Variants in ABCC9 observed in about 807,000 individuals in gnomAD.
The protein encoded by ABCC9 is ATP-binding cassette sub-family C member 9.
ABCC9 carries 95 observed loss-of-function variants against 188.3 expected under a neutral mutation model. The observed-to-expected ratio is 0.50, with a 90% CI of 0.43 to 0.60. The LOEUF (loss-of-function observed/expected upper bound fraction) is 0.60, where lower values mean the gene tolerates loss of function less well. Among genes scored for constraint, ABCC9 ranks in the 20% least tolerant of loss-of-function variants. The pLI, the probability that ABCC9 is intolerant of heterozygous loss-of-function variation, is 0.00. For synonymous variants in ABCC9, 659 were observed against 652.7 expected (o/e 1.01, Z -0.15); for missense variants, 1,102 against 1,876.3 (o/e 0.59, Z 7.62).
At chr12:21,893,950 T>A (rs1458456301) in intron 14 of ABCC9, 82 bp downstream of exon 14, 1 of 1,424,754 alleles carries the variant, frequency 7.0e-7, no homozygotes, top group Non-Finnish European at 9.7e-7. Context: ...ATGTTCTTTT[T>A]TATATTTTTT....
At chr12:21,846,142 C>T (rs556901951) in intron 25 of ABCC9, among the ~76,000 whole-genome samples, 1 of 152,252 alleles carries the variant, frequency 6.6e-6, no homozygotes, top group South Asian at 2.1e-4. Context: ...CCAACAAAAA[C>T]CACATACCTG....
At chr12:21,855,229 A>T (rs1435288797) in intron 22 of ABCC9, among the ~76,000 whole-genome samples, 1 of 151,950 alleles carries the variant, frequency 6.6e-6, no homozygotes, top group Admixed American at 6.6e-5. Context: ...TTATTTATTT[A>T]TTTATTTTGA....
At chr12:21,911,099 A>G in intron 8 of ABCC9, 121 bp from the exon 9 acceptor site, 1 of 945,044 alleles carries the variant, frequency 1.1e-6, no homozygotes, top group Non-Finnish European at 1.6e-6. Context: ...TATTTATTAT[A>G]CAGCAGTGAA....
intron 18 of ABCC9, 107 bp downstream of exon 18, chr12:21,872,518 C>T (rs1199021256): frequency 1.0e-5 from 9 of 864,918 alleles, no homozygotes; most frequent in African/African-American, 5.0e-5. Context: ...CTTATTTCTG[C>T]GTGGTCTTCA....
At chr12:21,818,543 TGTG>T in intron 31 of ABCC9, among the ~76,000 whole-genome samples, 1 of 147,870 alleles carries the variant, frequency 6.8e-6, no homozygotes, top group Admixed American at 6.8e-5. Flanking sequence ...TGTGTGTGTG[TGTG>T]TGTGTGTGTG....
chr12:21,937,541 A>G (rs1369648530), intron 2 of ABCC9, among the ~76,000 whole-genome samples: 1 of 152,140 alleles, frequency 6.6e-6, no homozygotes, highest in Admixed American at 6.6e-5. Flanking sequence ...GCTCTCACTT[A>G]CATGTTAAAT....
At chr12:21,845,051 A>C in intron 26 of ABCC9, 136 bp from the exon 27 acceptor site, 2 of 1,121,682 alleles carry the variant, frequency 1.8e-6, no homozygotes, top group Non-Finnish European at 2.6e-6. Flanking sequence ...GAAGGAATGC[A>C]ATTTTTTGAG....
intron 24 of ABCC9, 140 bp from the exon 25 acceptor site, chr12:21,848,386 C>G (rs1378705006): frequency 1.4e-6 from 1 of 733,714 alleles, no homozygotes; most frequent in African/African-American, 1.7e-5. Context: ...ATCCACAACT[C>G]CTGTCACAGA....
At chr12:21,937,782 G>T (rs1362653397) in intron 2 of ABCC9, among the ~76,000 whole-genome samples, 1 of 152,116 alleles carries the variant, frequency 6.6e-6, no homozygotes, top group Non-Finnish European at 1.5e-5. Flanking sequence ...TCAGTAACTT[G>T]CCAACCAGTA....
intron 12 of ABCC9, among the ~76,000 whole-genome samples, chr12:21,905,902 T>G (rs1948018267): frequency 6.6e-6 from 1 of 152,142 alleles, no homozygotes; most frequent in Non-Finnish European, 1.5e-5. Flanking sequence ...AGGAATCAAA[T>G]TCAGGTCTAC....
At position 21,875,676 on chromosome 12, in the gene ABCC9, A is replaced by G. The variant is rs753524629; in HGVS notation, c.2070T>C (p.Asn690=). ...SWGSGLATLS[N]IDIRIPTGQL... ...TACCTGTTGGAATTCGAATATCTAT[A>G]TTGGATAATGTAGCTAAACCACTGC... The change falls in exon 17 of 40, where the codon AAT becomes AAC. Residue 690 remains asparagine (N), a synonymous_variant. Coordinates refer to ENST00000261200, the MANE Select transcript of ABCC9 (RefSeq NM_020297.4). The G allele has an allele frequency of 3.1e-6, 5 of 1,612,448 alleles. No individual in the cohort carries two copies. The highest frequency in any genetic ancestry group is 1.7e-5 in the Admixed American group (1 of 60,008).
Position 21,805,325 on chromosome 12 carries a change from TAGAAA to T in ABCC9, c.4512+668_4512+672del, listed in dbSNP as rs779575419. 7.4e-6 allele frequency: 12 copies of T among 1,612,398 alleles called. 1 individual carries two copies. Among genetic ancestry groups the T allele is most frequent in the Admixed American group, 1.7e-5 (1 of 59,898 alleles). On this transcript the variant is annotated intron_variant, in intron 39 of 39. Coordinates refer to ENST00000261200, the MANE Select transcript of ABCC9 (RefSeq NM_020297.4). ...AGAGACACGGTGCTGGAGAGAAAAA[TAGAAA>T]AGAAGAGAATCAGCAGAAGGAAAAA...
chr12:21,815,286 G>GTT lies in ABCC9; in HGVS notation c.4023+475_4023+476dup, dbSNP rs201636994. Among the ~76,000 whole-genome samples, 90 of 132,334 alleles carry GTT rather than the reference G, an allele frequency of 6.8e-4. 1 individual carries two copies. The highest frequency in any genetic ancestry group is 2.0e-3 in the African/African-American group (72 of 36,878). The allele number at this position is 132,334 out of a possible 152,430, so 86.8% of individuals were successfully genotyped here. A position where few individuals can be genotyped will look rare whatever the true frequency, so the allele number is the denominator to read the frequency against. On this transcript the variant is annotated intron_variant, in intron 34 of 39. Transcript: ENST00000261200. ...GTGATTGCCTTGTTTTTTCTTCATG[G>GTT]TTTTTTTTTTTTTTTGCATTTAGTA...
chr12:21,834,999 G>A (rs1023857444), intron 30 of ABCC9, among the ~76,000 whole-genome samples: 3 of 152,160 alleles, frequency 2.0e-5, no homozygotes, highest in Non-Finnish European at 2.9e-5. Flanking sequence ...TGGATTTGAC[G>A]GCATCAGGCT....
intron 30 of ABCC9, among the ~76,000 whole-genome samples, chr12:21,829,484 T>A (rs61928479): frequency 0.12 from 17,799 of 152,070 alleles, 1,116 homozygotes; most frequent in African/African-American, 0.13. Flanking sequence ...TACAGGCGTG[T>A]GCCACCGCAC....
intron 22 of ABCC9, 129 bp from the exon 23 acceptor site, chr12:21,852,634 G>T: frequency 8.5e-7 from 1 of 1,170,834 alleles, no homozygotes; most frequent in Non-Finnish European, 1.2e-6. Context: ...TTTAAAAAAA[G>T]GATAAAGAAA....
chr12:21,856,062 G>A (rs765320676), intron 22 of ABCC9, among the ~76,000 whole-genome samples: 1 of 152,160 alleles, frequency 6.6e-6, no homozygotes, highest in Non-Finnish European at 1.5e-5. Flanking sequence ...GAGTTATTAT[G>A]AGAATTAAGT....
chr12:21,884,079 T>C (rs1946760621), intron 15 of ABCC9, among the ~76,000 whole-genome samples: 1 of 151,174 alleles, frequency 6.6e-6, no homozygotes, highest in Non-Finnish European at 1.5e-5. Flanking sequence ...AATTAACTTT[T>C]TTTTTTTTTT....
intron 12 of ABCC9, among the ~76,000 whole-genome samples, chr12:21,904,528 A>G (rs1592197091): frequency 6.6e-6 from 1 of 152,330 alleles, no homozygotes; most frequent in South Asian, 2.1e-4. Context: ...CAATCTACTC[A>G]TCTGACAAAG....
Sources: gnomAD v4.1 joint callset for allele counts (sites outside exome capture counted in the v4.1 genomes callset) on GRCh38, gnomAD v4.1.1 for gene constraint, MANE v1.5 for transcripts, NCBI Gene and HGNC (gene_info 2026-07-23, HGNC 2026-07-21) for gene names.